RNLS: variants seen among roughly 807,000 people sequenced by gnomAD.
The protein encoded by RNLS is renalase.
In RNLS, 39 loss-of-function variants were observed where a neutral mutation model predicts 39.8. That is an observed-to-expected ratio of 0.98 (90% CI 0.76 to 1.28). RNLS has a LOEUF of 1.28. Among genes scored for constraint, RNLS ranks in the 50% most tolerant of loss-of-function variants. The pLI is 0.00. For synonymous variants in RNLS, 147 were observed against 150.7 expected, an observed-to-expected ratio of 0.98 and a Z score of 0.18; for missense variants, 410 against 413.3, an observed-to-expected ratio of 0.99 and a Z score of 0.07.
chr10:88,317,031 A>G (rs1489003917), intron 5 of RNLS, among the ~76,000 whole-genome samples: 3 of 152,212 alleles, frequency 2.0e-5, no homozygotes, highest in African/African-American at 7.2e-5. Flanking sequence ...ATTCAGCATA[A>G]TCATTATTCC....
chr10:88,534,199 CA>C (rs372437107), intron 4 of RNLS, among the ~76,000 whole-genome samples: 174 of 152,136 alleles, frequency 1.1e-3, no homozygotes, highest in African/African-American at 4.0e-3. Flanking sequence ...AAAGGACAAA[CA>C]AAAGTGGTTT....
chr10:88,420,052 AAATAAATG>A (rs5786820), intron 4 of RNLS, among the ~76,000 whole-genome samples: 6,283 of 56,794 alleles, frequency 0.11, 233 homozygotes, highest in South Asian at 0.24. Context: ...ATAAATAAAT[AAATAAATG>A]AATGAATAAA....
At chr10:88,460,921 A>G (rs1418481) in intron 4 of RNLS, among the ~76,000 whole-genome samples, 11,312 of 152,116 alleles carry the variant, frequency 0.074, 580 homozygotes, top group Admixed American at 0.15. Context: ...CTCTCGTCTC[A>G]GGGAAGAGGC....
At chr10:88,260,020 A>T in the RNLS span, among the ~76,000 whole-genome samples, 1 of 152,110 alleles carries the variant, frequency 6.6e-6, no homozygotes, top group African/African-American at 2.4e-5. Flanking sequence ...GATTACAAGC[A>T]TGAGCCACAG....
chr10:88,352,561 T>C (rs945093656), intron 5 of RNLS, among the ~76,000 whole-genome samples: 5 of 152,372 alleles, frequency 3.3e-5, no homozygotes, highest in African/African-American at 1.2e-4. Flanking sequence ...CACTTGATCA[T>C]GGTAGATAAG....
At chr10:88,308,951 G>A (rs1845141923) in intron 6 of RNLS, among the ~76,000 whole-genome samples, 1 of 152,152 alleles carries the variant, frequency 6.6e-6, no homozygotes, top group African/African-American at 2.4e-5. Flanking sequence ...AAAAAAGAAT[G>A]GGATCATGTC....
At chr10:88,354,280 C>T (rs1311645582) in intron 5 of RNLS, among the ~76,000 whole-genome samples, 2 of 152,108 alleles carry the variant, frequency 1.3e-5, no homozygotes, top group Admixed American at 6.5e-5. Context: ...GGTTATTTTG[C>T]TCGTTAGTTG....
intron 4 of RNLS, among the ~76,000 whole-genome samples, chr10:88,536,311 A>C (rs1485111961): frequency 6.6e-6 from 1 of 152,156 alleles, no homozygotes; most frequent in Admixed American, 6.5e-5. Context: ...AACAAAAAGC[A>C]ACCGTCAATT....
rs544853990 is a variant in RNLS at position 88,511,701 on chromosome 10, G to T, written c.526+61202C>A. Among the ~76,000 whole-genome samples the T allele has an allele frequency of 2.0e-5, 3 of 152,196 alleles. No homozygotes were observed. In the South Asian group the frequency reaches 6.2e-4, roughly 32 times the overall value. On this transcript the variant is annotated intron_variant, in intron 4 of 6. Transcript: ENST00000331772. ...GGGAGTGCTGTCCCAGAAGCCAAGTGAAGACAGTATTTAAAGAAGGCAGGA... is the reference window on the plus strand; with the variant it reads ...GGGAGTGCTGTCCCAGAAGCCAAGTTAAGACAGTATTTAAAGAAGGCAGGA...
At chr10:88,565,074 CAT>C (rs1476304346) in intron 4 of RNLS, among the ~76,000 whole-genome samples, 1 of 152,162 alleles carries the variant, frequency 6.6e-6, no homozygotes, top group Non-Finnish European at 1.5e-5. Flanking sequence ...AAATGTGAAA[CAT>C]GTAGTACATT....
chr10:88,555,319 A>G (rs1363934111), intron 4 of RNLS, among the ~76,000 whole-genome samples: 1 of 151,976 alleles, frequency 6.6e-6, no homozygotes, highest in Non-Finnish European at 1.5e-5. Flanking sequence ...ACATGATTTC[A>G]GTGTTTGTCT....
intron 6 of RNLS, 59 bp downstream of exon 6, chr10:88,314,407 C>A: frequency 6.5e-7 from 1 of 1,538,524 alleles, no homozygotes; most frequent in South Asian, 1.2e-5. Flanking sequence ...GAAGTAACAT[C>A]AGTTCTGTGA....
intron 4 of RNLS, among the ~76,000 whole-genome samples, chr10:88,440,563 T>C (rs1305229170): frequency 6.6e-6 from 1 of 152,192 alleles, no homozygotes; most frequent in African/African-American, 2.4e-5. Context: ...CATGTCCCCC[T>C]AGGCTAAATT....
At chr10:88,405,749 G>C (rs1853223991) in intron 4 of RNLS, among the ~76,000 whole-genome samples, 1 of 151,774 alleles carries the variant, frequency 6.6e-6, no homozygotes, top group South Asian at 2.1e-4. Context: ...CTCTTTATTG[G>C]CTGTGTGCTT....
intron 4 of RNLS, among the ~76,000 whole-genome samples, chr10:88,561,418 C>G (rs76497488): frequency 6.6e-6 from 1 of 151,948 alleles, no homozygotes; most frequent in South Asian, 2.1e-4. Flanking sequence ...ATTTAACATA[C>G]GGCAAATGAG....
chr10:88,247,966 C>G, the RNLS span, among the ~76,000 whole-genome samples: 1 of 152,184 alleles, frequency 6.6e-6, no homozygotes. Flanking sequence ...CACCTAGAGC[C>G]TCCAGAAAGA....
chr10:88,305,741 C>T (rs1012204532), intron 6 of RNLS, among the ~76,000 whole-genome samples: 1 of 152,156 alleles, frequency 6.6e-6, no homozygotes, highest in African/African-American at 2.4e-5. Context: ...GGATCTTTAA[C>T]ACCCCACTGA....
At chr10:88,432,522 C>A (rs1405370781) in intron 4 of RNLS, among the ~76,000 whole-genome samples, 3 of 151,566 alleles carry the variant, frequency 2.0e-5, no homozygotes, top group Non-Finnish European at 4.4e-5. Context: ...CTATTTTCAC[C>A]ATATATTCCT....
intron 2 of RNLS, among the ~76,000 whole-genome samples, 196 bp downstream of exon 2, chr10:88,582,006 A>G (rs542272697): frequency 6.6e-6 from 1 of 152,384 alleles, no homozygotes; most frequent in African/African-American, 2.4e-5. Context: ...AAATGTATTT[A>G]GTATATCAAT....
Sources: allele counts gnomAD v4.1 joint callset (sites outside exome capture counted in the v4.1 genomes callset), GRCh38; gene constraint gnomAD v4.1.1; transcripts MANE v1.5; gene names NCBI Gene and HGNC (gene_info 2026-07-23, HGNC 2026-07-21).